SOX5: variants seen among roughly 807,000 people sequenced by gnomAD.
SOX5 encodes the protein SRY-box transcription factor 5.
SOX5 carries 9 observed loss-of-function variants against 92.0 expected under a neutral mutation model. That is an observed-to-expected ratio of 0.10 (90% CI 0.06 to 0.17). The LOEUF (loss-of-function observed/expected upper bound fraction) is 0.17, where lower values mean the gene tolerates loss of function less well. SOX5 is among the 10% of genes least tolerant of loss of function. The pLI is 1.00. For missense variants in SOX5, 642 were observed against 944.5 expected (o/e 0.68, Z 4.20); for synonymous variants, 344 against 336.3 (o/e 1.02, Z -0.25).
intron 4 of SOX5, among the ~76,000 whole-genome samples, chr12:24,046,763 G>A (rs983437474): frequency 6.9e-6 from 1 of 143,948 alleles, no homozygotes; most frequent in Non-Finnish European, 1.5e-5. Context: ...CACTGCAACC[G>A]CTGCCTCCTG....
chr12:23,922,625 T>C (rs1191627805), intron 1 of SOX5, among the ~76,000 whole-genome samples: 3 of 152,214 alleles, frequency 2.0e-5, no homozygotes, highest in East Asian at 1.9e-4. Flanking sequence ...TGAGATCCGA[T>C]AGATAAATGG....
chr12:24,356,455 CTT>C (rs1954838655), intron 2 of SOX5, among the ~76,000 whole-genome samples: 6 of 151,230 alleles, frequency 4.0e-5, no homozygotes, highest in Non-Finnish European at 8.9e-5. Flanking sequence ...CTCTCTCTCT[CTT>C]TCTCTCTTGG....
chr12:24,435,838 C>A (rs2137110940), intron 1 of SOX5, among the ~76,000 whole-genome samples: 1 of 152,182 alleles, frequency 6.6e-6, no homozygotes, highest in Admixed American at 6.5e-5. Flanking sequence ...CACAATTTTC[C>A]CAACAACATA....
chr12:24,336,610 T>G (rs1951932837), intron 2 of SOX5, among the ~76,000 whole-genome samples: 1 of 152,098 alleles, frequency 6.6e-6, no homozygotes, highest in Non-Finnish European at 1.5e-5. Context: ...TTTAAGAAAT[T>G]TTCATACAGT....
chr12:23,663,280 G>A lies in SOX5; in HGVS notation c.931+2164C>T, dbSNP rs1006417423. Among the ~76,000 whole-genome samples the A allele has an allele frequency of 4.0e-5, 6 of 151,896 alleles. No homozygotes were observed. The South Asian group carries it at 1.2e-3, about 32-fold the overall frequency. On this transcript the variant is annotated intron_variant, in intron 7 of 14. Transcript: ENST00000451604. ...TTATTTCCAAGGTTACAAAAGAAGG[G>A]GTATCATTTATAACTTTAAGCACTA...
At chr12:23,826,109 G>T (rs370914513) in intron 3 of SOX5, among the ~76,000 whole-genome samples, 3 of 151,970 alleles carry the variant, frequency 2.0e-5, no homozygotes, top group African/African-American at 7.2e-5. Flanking sequence ...GTGCCATGCT[G>T]GTGTGCTGCA....
intron 2 of SOX5, among the ~76,000 whole-genome samples, chr12:24,290,462 C>A (rs1268226969): frequency 6.6e-6 from 1 of 152,178 alleles, no homozygotes; most frequent in African/African-American, 2.4e-5. Context: ...GACAATAGCA[C>A]TGATGAGGCG....
intron 8 of SOX5, 102 bp from the exon 9 acceptor site, chr12:23,604,635 G>T: frequency 8.5e-7 from 1 of 1,179,726 alleles, no homozygotes; most frequent in Non-Finnish European, 1.2e-6. Flanking sequence ...TTTTTCCTAT[G>T]AGCATTTTGT....
At chr12:24,109,869 A>C (rs956944720) in intron 4 of SOX5, among the ~76,000 whole-genome samples, 2 of 152,246 alleles carry the variant, frequency 1.3e-5, no homozygotes, top group Non-Finnish European at 2.9e-5. Context: ...GTTTCCAAAA[A>C]ATAAAGACAG....
At chr12:24,119,117 A>G (rs1025058025) in intron 4 of SOX5, among the ~76,000 whole-genome samples, 1 of 152,068 alleles carries the variant, frequency 6.6e-6, no homozygotes, top group Admixed American at 6.5e-5. Context: ...GTATTTTCTT[A>G]TTAGCATCAG....
chr12:24,151,112 T>C (rs922966306), intron 4 of SOX5, among the ~76,000 whole-genome samples: 2 of 152,090 alleles, frequency 1.3e-5, no homozygotes. Context: ...TTAATGTATT[T>C]GGTGTAAATG....
chr12:24,069,480 A>G (rs907480125), intron 4 of SOX5, among the ~76,000 whole-genome samples: 1 of 152,248 alleles, frequency 6.6e-6, no homozygotes, highest in Admixed American at 6.5e-5. Flanking sequence ...TATAAAAATT[A>G]TTATGAGAAG....
intron 3 of SOX5, among the ~76,000 whole-genome samples, chr12:23,771,307 T>C (rs1051598914): frequency 6.6e-6 from 1 of 152,114 alleles, no homozygotes; most frequent in Admixed American, 6.6e-5. Flanking sequence ...TTAGACATTT[T>C]GCAAAGGAGG....
intron 1 of SOX5, among the ~76,000 whole-genome samples, chr12:24,407,048 C>A (rs565834852): frequency 6.6e-6 from 1 of 151,910 alleles, no homozygotes; most frequent in Non-Finnish European, 1.5e-5. Context: ...CGTGCCATAG[C>A]ATAACACAGG....
At chr12:23,789,954 TTCTTAGAATAATTTGTATGGTAAATA>T in intron 3 of SOX5, among the ~76,000 whole-genome samples, 1 of 152,178 alleles carries the variant, frequency 6.6e-6, no homozygotes, top group East Asian at 1.9e-4. Flanking sequence ...CGCAAGTCCA[TTCTTAGAATAATTTGTATGGTAAATA>T]TCACAGAATG....
chr12:23,938,772 TTGC>T (rs895006729), intron 1 of SOX5, among the ~76,000 whole-genome samples: 1 of 151,006 alleles, frequency 6.6e-6, no homozygotes, highest in Non-Finnish European at 1.5e-5. Flanking sequence ...TACAGTTGCA[TTGC>T]TGCTATTTAA....
chr12:24,326,300 A>G (rs1243978624), intron 2 of SOX5, among the ~76,000 whole-genome samples: 1 of 152,148 alleles, frequency 6.6e-6, no homozygotes, highest in Non-Finnish European at 1.5e-5. Context: ...CAAAAAGATT[A>G]AGACAAACAA....
At chr12:23,958,755 T>C (rs1353729903) in intron 4 of SOX5, among the ~76,000 whole-genome samples, 1 of 150,712 alleles carries the variant, frequency 6.6e-6, no homozygotes, top group Admixed American at 6.6e-5. Flanking sequence ...CAAACTGAGA[T>C]GACCAACTTC....
At chr12:24,162,681 C>G (rs1952896272) in intron 4 of SOX5, among the ~76,000 whole-genome samples, 2 of 152,104 alleles carry the variant, frequency 1.3e-5, no homozygotes, top group African/African-American at 4.8e-5. Flanking sequence ...CTATGGCTAA[C>G]TTGGTCCATG....
Sources: gnomAD v4.1 joint callset for allele counts (sites outside exome capture counted in the v4.1 genomes callset) on GRCh38, gnomAD v4.1.1 for gene constraint, MANE v1.5 for transcripts, NCBI Gene and HGNC (gene_info 2026-07-23, HGNC 2026-07-21) for gene names.